CELF4: variants seen among roughly 807,000 people sequenced by gnomAD.
The protein encoded by CELF4 is CUG-BP- and ETR-3-like factor 4.
In CELF4, 18 loss-of-function variants were observed where a neutral mutation model predicts 59.9. That is an observed-to-expected ratio of 0.30 (90% confidence interval 0.21 to 0.45). The LOEUF (loss-of-function observed/expected upper bound fraction) is 0.45. Among genes scored for constraint, CELF4 ranks in the 20% least tolerant of loss-of-function variants. The probability of loss-of-function intolerance (pLI) is 1.00; values close to 1 mark genes in which losing one functional copy is unlikely to be tolerated. For synonymous variants in CELF4, 261 were observed against 267.1 expected, an observed-to-expected ratio of 0.98 and a Z score of 0.22; for missense variants, 456 against 689.0, an observed-to-expected ratio of 0.66 and a Z score of 3.79.
At chr18:37,359,077 G>T (rs897182216) in intron 2 of CELF4, among the ~76,000 whole-genome samples, 3 of 152,090 alleles carry the variant, frequency 2.0e-5, no homozygotes, top group African/African-American at 7.2e-5. Flanking sequence ...CAGCCTGGGC[G>T]ACACAGCAAG....
chr18:37,561,819 C>T (rs1039699900), intron 1 of CELF4, among the ~76,000 whole-genome samples: 2 of 152,124 alleles, frequency 1.3e-5, no homozygotes, highest in South Asian at 2.1e-4. Context: ...TGCTGCTACC[C>T]GAGGAATTCA....
chr18:37,514,832 G>A (rs1011566089), intron 1 of CELF4, among the ~76,000 whole-genome samples: 8 of 151,686 alleles, frequency 5.3e-5, no homozygotes, highest in Admixed American at 4.6e-4. Flanking sequence ...ATTTACTGTG[G>A]GCTTTTCAGT....
At chr18:37,315,002 C>T (rs2096817166) in intron 3 of CELF4, among the ~76,000 whole-genome samples, 1 of 152,082 alleles carries the variant, frequency 6.6e-6, no homozygotes. Context: ...TGCAATCGGG[C>T]CCGATTCTGC....
chr18:37,562,923 C>G (rs1399507781), intron 1 of CELF4, among the ~76,000 whole-genome samples: 2 of 152,116 alleles, frequency 1.3e-5, no homozygotes, highest in Admixed American at 6.5e-5. Context: ...GAAGGGTGAG[C>G]TGCGACAACG....
intron 1 of CELF4, among the ~76,000 whole-genome samples, chr18:37,559,477 T>G (rs566884309): frequency 5.9e-5 from 9 of 152,294 alleles, no homozygotes; most frequent in African/African-American, 2.2e-4. Context: ...AAACGGGCAC[T>G]CCCAGCTTCT....
intron 2 of CELF4, among the ~76,000 whole-genome samples, chr18:37,384,533 G>A (rs1335118313): frequency 2.0e-5 from 3 of 152,024 alleles, no homozygotes; most frequent in Non-Finnish European, 4.4e-5. Flanking sequence ...GACTCAGCAG[G>A]TTCAGAATGT....
intron 1 of CELF4, among the ~76,000 whole-genome samples, chr18:37,513,013 A>T (rs533309935): frequency 6.6e-6 from 1 of 152,190 alleles, no homozygotes; most frequent in East Asian, 1.9e-4. Context: ...AGGCTGGGAG[A>T]TGCATGGTGG....
At chr18:37,562,553 C>A (rs2099986884) in intron 1 of CELF4, among the ~76,000 whole-genome samples, 1 of 152,116 alleles carries the variant, frequency 6.6e-6, no homozygotes, top group Non-Finnish European at 1.5e-5. Flanking sequence ...CTATCCCTAA[C>A]CTTATGTTGT....
At chr18:37,373,878 C>CT (rs1320021054) in intron 2 of CELF4, among the ~76,000 whole-genome samples, 6 of 152,222 alleles carry the variant, frequency 3.9e-5, no homozygotes, top group Non-Finnish European at 7.3e-5. Context: ...ACCACAGCCT[C>CT]TGTCAAGCTG....
intron 9 of CELF4, among the ~76,000 whole-genome samples, chr18:37,265,161 T>C (rs373612924): frequency 3.3e-5 from 5 of 151,658 alleles, no homozygotes; most frequent in Admixed American, 1.3e-4. Context: ...GGTGTATGTG[T>C]GTGCGTGCGT....
At chr18:37,501,397 G>A (rs974715969) in intron 1 of CELF4, among the ~76,000 whole-genome samples, 1 of 152,256 alleles carries the variant, frequency 6.6e-6, no homozygotes, top group African/African-American at 2.4e-5. Flanking sequence ...GGACAACGTG[G>A]AGCCCCAGAC....
Position 37,275,260 on chromosome 18 carries a change from A to G in CELF4, c.449-17T>C. On this transcript the variant is annotated splice_polypyrimidine_tract_variant and intron_variant, in intron 3 of 12. Coordinates refer to ENST00000420428, the MANE Select transcript of CELF4 (RefSeq NM_020180.4). ...TTCTATCTTCTAGAACAAAATTAGG[A>G]GATGCTTACCCGGGCCAGGGACCGG... 1.2e-6 allele frequency: 2 copies of G among 1,611,740 alleles called. No individual in the cohort carries two copies. Among genetic ancestry groups the G allele is most frequent in the Non-Finnish European group, 8.5e-7 (1 of 1,179,116 alleles).
intron 3 of CELF4, among the ~76,000 whole-genome samples, chr18:37,286,428 C>T (rs1432207900): frequency 2.0e-5 from 3 of 152,164 alleles, no homozygotes; most frequent in Non-Finnish European, 4.4e-5. Context: ...CAAATCCTCC[C>T]AGCTGTGACC....
At chr18:37,275,360 G>A (rs1168017783) in intron 3 of CELF4, 117 bp from the exon 4 acceptor site, 21 of 859,372 alleles carry the variant, frequency 2.4e-5, no homozygotes, top group Non-Finnish European at 3.1e-5. Flanking sequence ...CGGGGCGGGG[G>A]CTCGGAGCCG....
chr18:37,422,929 A>G (rs1432198235), intron 2 of CELF4, among the ~76,000 whole-genome samples: 2 of 152,194 alleles, frequency 1.3e-5, no homozygotes, highest in East Asian at 3.9e-4. Context: ...TGTTTTCTTC[A>G]GTACAGTGCC....
intron 9 of CELF4, 168 bp downstream of exon 9, chr18:37,266,365 G>GT: frequency 1.4e-6 from 1 of 722,460 alleles, no homozygotes; most frequent in Non-Finnish European, 2.3e-6. Flanking sequence ...GTGGCCCGCT[G>GT]ACAAGAAGGC....
At chr18:37,326,386 GCTC>G (rs2097312563) in intron 2 of CELF4, among the ~76,000 whole-genome samples, 1 of 152,174 alleles carries the variant, frequency 6.6e-6, no homozygotes, top group African/African-American at 2.4e-5. Context: ...CCCCGTCTCT[GCTC>G]CTCTGTCAGC....
intron 1 of CELF4, among the ~76,000 whole-genome samples, chr18:37,521,266 C>T (rs1203077902): frequency 6.6e-6 from 1 of 152,156 alleles, no homozygotes; most frequent in Non-Finnish European, 1.5e-5. Flanking sequence ...ATTCCCTTCT[C>T]TGATGTTTCA....
At chr18:37,418,067 A>G (rs1348165383) in intron 2 of CELF4, among the ~76,000 whole-genome samples, 1 of 151,684 alleles carries the variant, frequency 6.6e-6, no homozygotes, top group African/African-American at 2.4e-5. Flanking sequence ...AAATCCACCT[A>G]TCTTTCAAGG....
Sources: allele counts gnomAD v4.1 joint callset (sites outside exome capture counted in the v4.1 genomes callset), GRCh38; gene constraint gnomAD v4.1.1; transcripts MANE v1.5; gene names NCBI Gene and HGNC (gene_info 2026-07-23, HGNC 2026-07-21).